LIMCH1: variants seen among roughly 807,000 people sequenced by gnomAD.
The protein encoded by LIMCH1 is LIM and calponin homology domains-containing protein 1.
A neutral mutation model predicts 176.5 loss-of-function variants in LIMCH1; 113 were observed. The observed-to-expected ratio is 0.64, with a 90% CI of 0.55 to 0.75. The LOEUF (loss-of-function observed/expected upper bound fraction) is 0.75, where lower values mean the gene tolerates loss of function less well. Among genes scored for constraint, LIMCH1 ranks in the 30% least tolerant of loss-of-function variants. LIMCH1 has a pLI of 0.00. For missense variants in LIMCH1, 1,674 were observed against 1,814.9 expected (o/e 0.92, Z 1.41); for synonymous variants, 619 against 645.9 (o/e 0.96, Z 0.63).
At chr4:41,410,444 G>A (rs762151382) in intron 1 of LIMCH1, among the ~76,000 whole-genome samples, 9 of 152,110 alleles carry the variant, frequency 5.9e-5, no homozygotes, top group South Asian at 2.1e-4. Context: ...CATTGGCGTC[G>A]TAGGAAAGAA....
chr4:41,527,314 C>T (rs1015169051), intron 3 of LIMCH1, among the ~76,000 whole-genome samples: 6 of 152,122 alleles, frequency 3.9e-5, no homozygotes, highest in African/African-American at 1.4e-4. Context: ...AATTAAAGGC[C>T]TGCAAGTGGT....
chr4:41,585,007 C>T (rs2086189974), intron 1 of LIMCH1, among the ~76,000 whole-genome samples: 1 of 152,128 alleles, frequency 6.6e-6, no homozygotes, highest in Non-Finnish European at 1.5e-5. Context: ...AGGATGCTCT[C>T]TGGGGTCTCT....
intron 1 of LIMCH1, among the ~76,000 whole-genome samples, chr4:41,567,341 T>A (rs563832193): frequency 6.6e-6 from 1 of 152,378 alleles, no homozygotes; most frequent in African/African-American, 2.4e-5. Context: ...GAACAATGCC[T>A]GGCATGTTTG....
At chr4:41,554,572 A>G (rs2080986671) in intron 1 of LIMCH1, among the ~76,000 whole-genome samples, 1 of 152,138 alleles carries the variant, frequency 6.6e-6, no homozygotes, top group Non-Finnish European at 1.5e-5. Flanking sequence ...CACTGCTTCT[A>G]TTAGTTATTA....
chr4:41,674,489 G>T (rs2095153172), intron 22 of LIMCH1, among the ~76,000 whole-genome samples: 2 of 152,144 alleles, frequency 1.3e-5, no homozygotes, highest in Non-Finnish European at 2.9e-5. Flanking sequence ...TTCCCATCTG[G>T]TATAACCACA....
chr4:41,538,069 TCCTTTTCCTCAGA>T, upstream of LIMCH1: 3 of 642,068 alleles, frequency 4.7e-6, no homozygotes, highest in Non-Finnish European at 5.8e-6. Context: ...AAGATGCCAT[TCCTTTTCCTCAGA>T]GGGAATGGGC....
chr4:41,676,357 A>C, intron 22 of LIMCH1, 25 bp from the exon 23 acceptor site: 1 of 1,600,532 alleles, frequency 6.2e-7, no homozygotes, highest in Non-Finnish European at 8.6e-7. Context: ...CTCAATTCTG[A>C]TCATGGTTTC....
intron 1 of LIMCH1, among the ~76,000 whole-genome samples, chr4:41,451,619 C>G (rs1268949024): frequency 6.6e-6 from 1 of 152,134 alleles, no homozygotes; most frequent in Non-Finnish European, 1.5e-5. Flanking sequence ...TGTGCAAACA[C>G]TCAACATTGC....
chr4:41,616,789 C>T (rs2092131159), intron 5 of LIMCH1, among the ~76,000 whole-genome samples: 1 of 152,046 alleles, frequency 6.6e-6, no homozygotes, highest in Admixed American at 6.6e-5. Flanking sequence ...CCTGTATTAT[C>T]ACCTCCATGT....
intron 7 of LIMCH1, 41 bp downstream of exon 7, chr4:41,620,731 A>C: frequency 6.7e-7 from 1 of 1,495,314 alleles, no homozygotes; most frequent in Non-Finnish European, 8.9e-7. Context: ...GGCTTTCTGC[A>C]TGCCTGGGGA....
intron 23 of LIMCH1, among the ~76,000 whole-genome samples, chr4:41,677,837 A>AAAATAAAT (rs200541073): frequency 2.4e-4 from 37 of 152,050 alleles, no homozygotes; most frequent in African/African-American, 4.6e-4. Flanking sequence ...TGATTTTACA[A>AAAATAAAT]AAATAAATAA....
intron 17 of LIMCH1, among the ~76,000 whole-genome samples, chr4:41,648,646 C>CT (rs1189925915): frequency 2.3e-5 from 3 of 131,240 alleles, no homozygotes; most frequent in Non-Finnish European, 4.9e-5. Flanking sequence ...AGGACAGAAG[C>CT]TAAGGGGTAG....
intron 1 of LIMCH1, among the ~76,000 whole-genome samples, chr4:41,427,943 G>GAAAAAAAA (rs11365470): frequency 7.7e-6 from 1 of 129,770 alleles, no homozygotes. Flanking sequence ...CATCTATTTG[G>GAAAAAAAA]AAAAAAAAAA....
rs550086188 is a variant in LIMCH1 at position 41,429,437 on chromosome 4, A to G, written c.97-65099A>G. ...AAGCTATGTGAACAGACTGTTCTCTACAGATTTGAGTATCTTTGAGAGGTG... is the reference window on the plus strand; with the variant it reads ...AAGCTATGTGAACAGACTGTTCTCTGCAGATTTGAGTATCTTTGAGAGGTG... On this transcript the variant is annotated intron_variant, in intron 1 of 26. Transcript: ENST00000313860. Among the ~76,000 whole-genome samples the G allele has an allele frequency of 3.3e-5, 5 of 152,292 alleles. No individual in the cohort carries two copies. In the South Asian group the frequency reaches 1.0e-3, roughly 32 times the overall value.
At chr4:41,666,013 T>G (rs1560294826) in intron 20 of LIMCH1, among the ~76,000 whole-genome samples, 1 of 152,130 alleles carries the variant, frequency 6.6e-6, no homozygotes, top group Non-Finnish European at 1.5e-5. Context: ...TGTTCGACAG[T>G]GGTTGTTTAT....
upstream of LIMCH1, chr4:41,360,690 C>T (rs2051845089): frequency 5.1e-6 from 2 of 390,966 alleles, no homozygotes; most frequent in Non-Finnish European, 4.3e-6. This position sits in a 1 kb window ranked among gnomAD's most constrained non-coding sequence, Gnocchi z 4.5. Context: ...TCTAGCAGCG[C>T]GCGGCTCTCC....
At chr4:41,597,857 G>A (rs1232858525) in intron 1 of LIMCH1, among the ~76,000 whole-genome samples, 1 of 152,208 alleles carries the variant, frequency 6.6e-6, no homozygotes, top group African/African-American at 2.4e-5. Context: ...TTGGGGGCAG[G>A]ATTCTTGGGG....
At chr4:41,369,838 C>T (rs542926522) in intron 1 of LIMCH1, among the ~76,000 whole-genome samples, 2 of 151,976 alleles carry the variant, frequency 1.3e-5, no homozygotes, top group African/African-American at 4.8e-5. Context: ...TGCCTGAGCG[C>T]TTTCTCAGTG....
chr4:41,527,899 A>G (rs1466488707), intron 3 of LIMCH1, among the ~76,000 whole-genome samples: 4 of 151,938 alleles, frequency 2.6e-5, no homozygotes, highest in Admixed American at 6.6e-5. Flanking sequence ...AAAGATGACT[A>G]AGGAAATATG....
Sources: allele counts gnomAD v4.1 joint callset (sites outside exome capture counted in the v4.1 genomes callset), GRCh38; gene constraint gnomAD v4.1.1; non-coding constraint Gnocchi (gnomAD v3.1); transcripts MANE v1.5; gene names NCBI Gene and HGNC (gene_info 2026-07-23, HGNC 2026-07-21).